WWP2: variants seen among roughly 807,000 people sequenced by gnomAD.
The protein encoded by WWP2 is NEDD4-like E3 ubiquitin-protein ligase WWP2.
WWP2 carries 57 observed loss-of-function variants against 121.0 expected under a neutral mutation model. The observed-to-expected ratio is 0.47, with a 90% CI of 0.38 to 0.59. WWP2 has a LOEUF of 0.59. Ranked by LOEUF, WWP2 falls within the 20% of genes least tolerant of loss-of-function variation. The pLI is 0.00. For synonymous variants in WWP2, 449 were observed against 441.3 expected, an observed-to-expected ratio of 1.02 and a Z score of -0.22; for missense variants, 962 against 1,158.9, an observed-to-expected ratio of 0.83 and a Z score of 2.47.
At chr16:69,813,565 C>T (rs895749420) in intron 4 of WWP2, among the ~76,000 whole-genome samples, 2 of 152,204 alleles carry the variant, frequency 1.3e-5, no homozygotes, top group Admixed American at 6.5e-5. Flanking sequence ...TGGGTTCAAG[C>T]GATCCCCCCA....
chr16:69,909,235 A>C (rs1407293781), intron 9 of WWP2: 1 of 996,166 alleles, frequency 1.0e-6, no homozygotes, highest in Non-Finnish European at 1.2e-6. Flanking sequence ...GTCCAAGTTC[A>C]AGGAGAAGGG....
chr16:69,892,503 G>A (rs2058044672), intron 8 of WWP2, among the ~76,000 whole-genome samples: 1 of 152,026 alleles, frequency 6.6e-6, no homozygotes, highest in African/African-American at 2.4e-5. Flanking sequence ...TCTGTCACTC[G>A]AGTGACTGTT....
At position 69,937,653 on chromosome 16, in the gene WWP2, G is replaced by A; in HGVS notation, c.2343+1G>A. 1 of 1,613,890 alleles carries A rather than the reference G, an allele frequency of 6.2e-7. No homozygotes were observed. Among genetic ancestry groups the A allele is most frequent in the Non-Finnish European group, 8.5e-7 (1 of 1,179,966 alleles). On this transcript the variant is annotated splice_donor_variant, in intron 21 of 23. Coordinates refer to ENST00000359154, the MANE Select transcript of WWP2 (RefSeq NM_001270454.2). LOFTEE classifies it high-confidence loss of function. This position sits in a 1 kb window ranked among gnomAD's most constrained non-coding sequence, Gnocchi z 6.6. ...CAAGCAGATCCAGTGGTTCTGGCAG[G>A]TGGGTCCCGGGCCCAGGCCTTGGCA...
At chr16:69,840,359 T>C in intron 5 of WWP2, 96 bp downstream of exon 5, 1 of 1,542,324 alleles carries the variant, frequency 6.5e-7, no homozygotes, top group Admixed American at 1.8e-5. Context: ...CTAGGCCATC[T>C]TGGTTTGATT....
chr16:69,807,260 C>G (rs2056298391), intron 4 of WWP2, among the ~76,000 whole-genome samples: 1 of 152,098 alleles, frequency 6.6e-6, no homozygotes, highest in Non-Finnish European at 1.5e-5. Flanking sequence ...ATCTTGAACT[C>G]CTGACCTCAG....
At chr16:69,874,944 C>A (rs528199224) in intron 7 of WWP2, among the ~76,000 whole-genome samples, 1 of 152,026 alleles carries the variant, frequency 6.6e-6, no homozygotes, top group Admixed American at 6.5e-5. Flanking sequence ...ATCGTTTGAG[C>A]CTAGGAGGCA....
intron 10 of WWP2, among the ~76,000 whole-genome samples, chr16:69,921,797 G>C (rs1374209858): frequency 6.6e-6 from 1 of 152,154 alleles, no homozygotes; most frequent in African/African-American, 2.4e-5. Context: ...ATTTTGACTG[G>C]GCGCGGTGGC....
At chr16:69,933,932 A>AC (rs2058757554) in intron 16 of WWP2, 38 bp from the exon 17 acceptor site, 1 of 1,603,862 alleles carries the variant, frequency 6.2e-7, no homozygotes, top group Admixed American at 1.7e-5. Flanking sequence ...GCACGAAGGG[A>AC]CCCATTATTC....
At chr16:69,837,807 G>A (rs902013318) in intron 4 of WWP2, among the ~76,000 whole-genome samples, 12 of 152,190 alleles carry the variant, frequency 7.9e-5, no homozygotes, top group Non-Finnish European at 1.8e-4. Flanking sequence ...AGATGACCTG[G>A]AAACAAGATG....
intron 11 of WWP2, among the ~76,000 whole-genome samples, chr16:69,929,186 T>TCCGA (rs2058677754): frequency 6.6e-6 from 1 of 151,802 alleles, no homozygotes. Flanking sequence ...ACCCCCTCCC[T>TCCGA]CCGACCAATC....
At chr16:69,855,866 C>T (rs944642827) in intron 6 of WWP2, among the ~76,000 whole-genome samples, 12 of 152,166 alleles carry the variant, frequency 7.9e-5, no homozygotes, top group African/African-American at 2.4e-4. Flanking sequence ...TTATGTATTT[C>T]GAGGTTATTT....
chr16:69,820,040 T>C (rs111650065), intron 4 of WWP2, among the ~76,000 whole-genome samples: 11 of 152,144 alleles, frequency 7.2e-5, no homozygotes, highest in African/African-American at 2.4e-4. Context: ...GGTTCGAGAC[T>C]AGCCTGGGCA....
intron 11 of WWP2, 53 bp from the exon 12 acceptor site, chr16:69,929,394 AC>A (rs1315012301): frequency 6.4e-7 from 1 of 1,557,686 alleles, no homozygotes; most frequent in Non-Finnish European, 8.8e-7. Flanking sequence ...CAGGGAAAGG[AC>A]ACCGGCTCTC....
At chr16:69,791,968 C>T (rs1166588282) in intron 2 of WWP2, among the ~76,000 whole-genome samples, 1 of 150,430 alleles carries the variant, frequency 6.6e-6, no homozygotes, top group Non-Finnish European at 1.5e-5. Flanking sequence ...ACTGGTGTAT[C>T]TCATTATACA....
rs1409644973 is a variant in WWP2 at position 69,936,366 on chromosome 16, G to A, written c.2031G>A (p.Glu677=). 6.2e-7 allele frequency: 1 copy of A among 1,614,170 alleles called. No homozygotes were observed. The highest frequency in any genetic ancestry group is 1.1e-5 in the South Asian group (1 of 91,080). Residue 677 remains glutamate, a synonymous_variant, in exon 19 of 24, where the codon GAG becomes GAA. Coordinates refer to ENST00000359154, the MANE Select transcript of WWP2 (RefSeq NM_001270454.2). ...GLELYFIQDM[E]ILGKVTTHEL... is the part of the protein sequence containing the mutation. ...AGCTGTACTTCATCCAGGACATGGA[G>A]ATACTGGGCAAGGTGACGACCCACG...
rs375361339 is a variant in WWP2, at chr16:69,917,660, G to A, written c.1005-49G>A. The A allele has an allele frequency of 3.2e-6, 5 of 1,578,954 alleles. No homozygotes were observed. In the African/African-American group the frequency reaches 6.7e-5, roughly 21 times the overall value. On this transcript the variant is annotated intron_variant, in intron 9 of 23. Coordinates refer to ENST00000359154, the MANE Select transcript of WWP2 (RefSeq NM_001270454.2). ...TCCTGAGACTTTTCTAGAATTGGGG[G>A]ATGGGAGTGGGGTGGTCATTATATT...
intron 7 of WWP2, among the ~76,000 whole-genome samples, chr16:69,887,399 A>G (rs2057944292): frequency 6.6e-6 from 1 of 151,714 alleles, no homozygotes; most frequent in African/African-American, 2.4e-5. Context: ...TTTAGCCCCA[A>G]CACTTTTTTT....
rs1411723430 is a variant in WWP2, at chr16:69,937,622, G to A, written c.2313G>A (p.Lys771=). 4.3e-6 allele frequency: 7 copies of A among 1,613,910 alleles called. No homozygotes were observed. In the East Asian group the frequency reaches 1.3e-4, roughly 31 times the overall value. The change falls in exon 21 of 24, where the codon AAG becomes AAA. Residue 771 remains lysine, a synonymous_variant. Coordinates refer to ENST00000359154, the MANE Select transcript of WWP2 (RefSeq NM_001270454.2). This position sits in a 1 kb window ranked among gnomAD's most constrained non-coding sequence, Gnocchi z 6.6. ...QKSTIYRHYT[K]NSKQIQWFWQ... The stretch of plus-strand genomic sequence containing the variant: ...GCACCATCTACCGGCACTACACCAA[G>A]AACAGCAAGCAGATCCAGTGGTTCT...
chr16:69,768,644 C>T (rs1002032041), intron 1 of WWP2, among the ~76,000 whole-genome samples: 1 of 152,076 alleles, frequency 6.6e-6, no homozygotes, highest in African/African-American at 2.4e-5. Flanking sequence ...ATAACAAGTA[C>T]CAAGACATGG....
Sources: allele counts gnomAD v4.1 joint callset (sites outside exome capture counted in the v4.1 genomes callset), GRCh38; gene constraint gnomAD v4.1.1; non-coding constraint Gnocchi (gnomAD v3.1); transcripts MANE v1.5; gene names NCBI Gene and HGNC (gene_info 2026-07-23, HGNC 2026-07-21).